CCDC171: variants seen among roughly 807,000 people sequenced by gnomAD.
CCDC171 encodes the protein coiled-coil domain-containing protein 171.
CCDC171 carries 177 observed loss-of-function variants against 168.2 expected under a neutral mutation model. The ratio of observed to expected loss-of-function variants is 1.05; its 90% CI spans 0.93 to 1.19. CCDC171 has a LOEUF of 1.19. Among genes scored for constraint, CCDC171 ranks in the 50% most tolerant of loss-of-function variants. The probability of loss-of-function intolerance (pLI) is 0.00; values close to 1 mark genes in which losing one functional copy is unlikely to be tolerated. For synonymous variants in CCDC171, 687 were observed against 540.8 expected, an observed-to-expected ratio of 1.27 and a Z score of -3.75; for missense variants, 1,991 against 1,539.0, an observed-to-expected ratio of 1.29 and a Z score of -4.91.
intron 9 of CCDC171, among the ~76,000 whole-genome samples, chr9:15,666,646 G>C (rs2048756026): frequency 6.6e-6 from 1 of 152,066 alleles, no homozygotes; most frequent in Non-Finnish European, 1.5e-5. Flanking sequence ...AACATAGTGA[G>C]ACTTTGTCTC....
the CCDC171 span, among the ~76,000 whole-genome samples, chr9:16,075,167 C>A: frequency 6.6e-6 from 1 of 152,124 alleles, no homozygotes; most frequent in East Asian, 1.9e-4. Context: ...GGCATGTCTC[C>A]CAGGTTTCCT....
intron 7 of CCDC171, among the ~76,000 whole-genome samples, chr9:15,652,496 T>C (rs547063217): frequency 6.6e-6 from 1 of 151,888 alleles, no homozygotes; most frequent in South Asian, 2.1e-4. Flanking sequence ...CCTGGCTGAA[T>C]CTTTGCTTAC....
intron 10 of CCDC171, among the ~76,000 whole-genome samples, chr9:15,680,463 G>A (rs1443542472): frequency 6.6e-6 from 1 of 152,140 alleles, no homozygotes; most frequent in African/African-American, 2.4e-5. Context: ...ACTAGGAATT[G>A]GTCACCAAAT....
chr9:15,935,754 G>A (rs1455680877), intron 25 of CCDC171, among the ~76,000 whole-genome samples: 1 of 151,926 alleles, frequency 6.6e-6, no homozygotes, highest in Non-Finnish European at 1.5e-5. Flanking sequence ...TAATATGTTA[G>A]GAATGTGAAC....
At chr9:15,699,174 T>C (rs1284033705) in intron 11 of CCDC171, among the ~76,000 whole-genome samples, 1 of 152,112 alleles carries the variant, frequency 6.6e-6, no homozygotes, top group Admixed American at 6.5e-5. Context: ...TGGTGGGTTC[T>C]TGGTCTCGCT....
chr9:15,629,879 T>C (rs1263042579), intron 7 of CCDC171, among the ~76,000 whole-genome samples: 2 of 152,166 alleles, frequency 1.3e-5, no homozygotes, highest in South Asian at 4.1e-4. Flanking sequence ...TATTCAACAT[T>C]CTTAAAGAAA....
chr9:15,657,372 A>G, intron 8 of CCDC171, 153 bp downstream of exon 8: 1 of 499,742 alleles, frequency 2.0e-6, no homozygotes, highest in South Asian at 2.5e-5. Flanking sequence ...GTTAGGATAC[A>G]GTTGAGATAT....
At position 16,053,814 on chromosome 9, in the gene CCDC171, GCA is replaced by G. The variant is rs1461442144; in HGVS notation, n.90-6829_90-6828del. ...GCTTTGCAGAGTGATGGGTTTTAAA[GCA>G]CAGTTTCACAACTATTCCACTAGAA... On this transcript the variant is annotated intron_variant and non_coding_transcript_variant, in intron 1 of 1. Coordinates refer to the CCDC171 transcript ENST00000478913. Among the ~76,000 whole-genome samples, 4 of 152,218 alleles carry G rather than the reference GCA, an allele frequency of 2.6e-5. No individual in the cohort carries two copies. In the East Asian group the frequency reaches 5.8e-4, roughly 22 times the overall value.
chr9:15,597,479 A>T (rs567319442), intron 6 of CCDC171, among the ~76,000 whole-genome samples: 1 of 152,320 alleles, frequency 6.6e-6, no homozygotes, highest in South Asian at 2.1e-4. Context: ...CCAGCCTTGC[A>T]TTCCGGGGAT....
At chr9:15,566,748 C>G (rs887518692) in intron 2 of CCDC171, among the ~76,000 whole-genome samples, 2 of 152,176 alleles carry the variant, frequency 1.3e-5, no homozygotes, top group Non-Finnish European at 2.9e-5. Flanking sequence ...AAATCTCTGA[C>G]TAACCTAAGG....
intron 6 of CCDC171, among the ~76,000 whole-genome samples, chr9:15,617,886 C>G (rs2044208659): frequency 6.6e-6 from 1 of 152,168 alleles, no homozygotes; most frequent in South Asian, 2.1e-4. Flanking sequence ...GAAGCTTTGT[C>G]CCAGAGGGGC....
At chr9:15,857,811 A>C (rs1191509770) in intron 23 of CCDC171, among the ~76,000 whole-genome samples, 2 of 151,504 alleles carry the variant, frequency 1.3e-5, no homozygotes, top group Non-Finnish European at 2.9e-5. Context: ...TCTTCTTTGC[A>C]CTCTTGTCAA....
Position 15,779,105 on chromosome 9 carries a change from C to A in CCDC171, c.3036C>A (p.Asp1012Glu), listed in dbSNP as rs879713813. The A allele has an allele frequency of 6.2e-6, 10 of 1,600,368 alleles. No homozygotes were observed. The highest frequency in any genetic ancestry group is 8.5e-6 in the Non-Finnish European group (10 of 1,174,314). The change falls in exon 20 of 26, where the codon GAC becomes GAA. Residue 1012 changes from aspartate (D) to glutamate (E), a missense_variant. Coordinates refer to ENST00000380701, the MANE Select transcript of CCDC171 (RefSeq NM_173550.4). ...RSVNEMKKEL[D>E]KAQGLQMQLN... ...TGAATGAAATGAAAAAGGAGCTTGA[C>A]AAAGCCCAGGGTCTGCAAATGCAAT...
At chr9:15,770,091 C>T (rs1434050713) in intron 18 of CCDC171, among the ~76,000 whole-genome samples, 1 of 152,140 alleles carries the variant, frequency 6.6e-6, no homozygotes, top group Non-Finnish European at 1.5e-5. Flanking sequence ...AAGCCCTCCA[C>T]TATGTTGTAA....
chr9:15,731,883 C>T (rs1032988104), intron 16 of CCDC171, among the ~76,000 whole-genome samples: 1 of 151,934 alleles, frequency 6.6e-6, no homozygotes, highest in African/African-American at 2.4e-5. Flanking sequence ...AAATTTTAGT[C>T]ATTATAGTGG....
At chr9:15,883,135 C>T (rs1818927159) in intron 24 of CCDC171, 3 of 396,688 alleles carry the variant, frequency 7.6e-6, no homozygotes, top group South Asian at 5.3e-5. Flanking sequence ...CTCAAGCAAT[C>T]TTCCTGCCTC....
At chr9:15,669,052 G>T (rs1271126753) in intron 9 of CCDC171, among the ~76,000 whole-genome samples, 1 of 152,062 alleles carries the variant, frequency 6.6e-6, no homozygotes, top group Non-Finnish European at 1.5e-5. Flanking sequence ...CCTGCCATTG[G>T]TTAAGGTTCT....
chr9:15,988,825 C>G (rs6474996), intron 3 of CCDC171, among the ~76,000 whole-genome samples: 1 of 152,044 alleles, frequency 6.6e-6, no homozygotes, highest in East Asian at 1.9e-4. Flanking sequence ...GGAGCCTCAC[C>G]CATTGCTAGC....
intron 3 of CCDC171, among the ~76,000 whole-genome samples, chr9:16,020,321 T>C (rs1435306561): frequency 1.3e-5 from 2 of 152,170 alleles, no homozygotes; most frequent in Non-Finnish European, 2.9e-5. Flanking sequence ...TATATGCAAA[T>C]ATTCCAAAAT....
Sources: allele counts gnomAD v4.1 joint callset (sites outside exome capture counted in the v4.1 genomes callset), GRCh38; gene constraint gnomAD v4.1.1; transcripts MANE v1.5; gene names NCBI Gene and HGNC (gene_info 2026-07-23, HGNC 2026-07-21).